DCDC1: variants seen among roughly 807,000 people sequenced by gnomAD.
The protein encoded by DCDC1 is doublecortin domain-containing protein 1.
Under a neutral mutation model 178.3 loss-of-function variants are expected in DCDC1, and 200 were observed. That is an observed-to-expected ratio of 1.12 (90% CI 1.00 to 1.26). DCDC1 has a LOEUF of 1.26. DCDC1 is among the 50% of genes most tolerant of loss of function. The pLI is 0.00. For missense variants in DCDC1, 1,983 were observed against 1,749.2 expected (o/e 1.13, Z -2.38); for synonymous variants, 690 against 604.8 (o/e 1.14, Z -2.07).
At chr11:31,142,680 T>C (rs1471527686) in intron 9 of DCDC1, among the ~76,000 whole-genome samples, 1 of 152,204 alleles carries the variant, frequency 6.6e-6, no homozygotes, top group Admixed American at 6.5e-5. Flanking sequence ...AAATGTTTTT[T>C]AAATTCCTAA....
intron 20 of DCDC1, among the ~76,000 whole-genome samples, chr11:30,960,317 A>G (rs983083930): frequency 6.6e-6 from 1 of 152,162 alleles, no homozygotes; most frequent in Non-Finnish European, 1.5e-5. Context: ...TGTCTTTAAA[A>G]TGAGCCGGTC....
chr11:31,126,538 T>G (rs951807768), intron 11 of DCDC1, among the ~76,000 whole-genome samples: 3 of 152,224 alleles, frequency 2.0e-5, no homozygotes, highest in African/African-American at 7.2e-5. Context: ...TTTCTAATGT[T>G]ACTTGCAGAA....
intron 9 of DCDC1, among the ~76,000 whole-genome samples, chr11:31,232,942 G>A (rs1343747623): frequency 6.6e-6 from 1 of 152,188 alleles, no homozygotes; most frequent in Non-Finnish European, 1.5e-5. Flanking sequence ...ACAAAAATTA[G>A]CCGGGCATGG....
At chr11:31,323,889 T>C (rs1949508653) in intron 3 of DCDC1, among the ~76,000 whole-genome samples, 1 of 152,106 alleles carries the variant, frequency 6.6e-6, no homozygotes, top group South Asian at 2.1e-4. Flanking sequence ...TTGCTTAAAC[T>C]TCCAAAGATA....
intron 8 of DCDC1, among the ~76,000 whole-genome samples, chr11:31,259,328 G>C (rs764155608): frequency 6.6e-5 from 10 of 151,828 alleles, no homozygotes; most frequent in Non-Finnish European, 1.3e-4. Flanking sequence ...ACTCCACCCT[G>C]GGCAACAAGA....
Position 30,915,702 on chromosome 11 carries a change from T to C in DCDC1, c.3462A>G (p.Pro1154=), listed in dbSNP as rs2134205606. 1 of 1,613,024 alleles carries C rather than the reference T, an allele frequency of 6.2e-7. No homozygotes were observed. The highest frequency in any genetic ancestry group is 2.2e-5 in the East Asian group (1 of 44,838). Residue 1154 remains proline (P), a synonymous_variant, in exon 27 of 39, where the codon CCA becomes CCG. Transcript: ENST00000684477. ...AATGCTTGTGCAATTTACTATGCTT[T>C]GGTGAACAGCTGAGATAAAGAAATC... ...VEPQKKHSCS[P]KHSKLHKHCH...
intron 1 of DCDC1, among the ~76,000 whole-genome samples, chr11:31,358,341 G>C (rs892932117): frequency 6.6e-6 from 1 of 152,164 alleles, no homozygotes; most frequent in Admixed American, 6.5e-5. Context: ...ATGGGGAAAG[G>C]ATTCCCTATT....
intron 6 of DCDC1, among the ~76,000 whole-genome samples, chr11:31,302,239 T>C (rs1310614371): frequency 1.3e-5 from 2 of 152,170 alleles, no homozygotes; most frequent in African/African-American, 2.4e-5. Flanking sequence ...TATGCTATGT[T>C]TGCATTACTT....
chr11:31,101,021 G>A (rs1364059886), intron 15 of DCDC1, among the ~76,000 whole-genome samples: 1 of 152,112 alleles, frequency 6.6e-6, no homozygotes, highest in Non-Finnish European at 1.5e-5. Flanking sequence ...ACACTATTTA[G>A]ATCCATATGC....
intron 18 of DCDC1, among the ~76,000 whole-genome samples, chr11:31,076,208 T>A (rs1360209074): frequency 2.0e-5 from 3 of 152,134 alleles, no homozygotes; most frequent in Non-Finnish European, 4.4e-5. Flanking sequence ...TTTGACTGGA[T>A]TAATTCCAAA....
At chr11:30,974,338 G>C (rs1949986283) in intron 20 of DCDC1, among the ~76,000 whole-genome samples, 1 of 146,772 alleles carries the variant, frequency 6.8e-6, no homozygotes, top group Non-Finnish European at 1.5e-5. Context: ...ACAAAAGCAA[G>C]AAAAAAATCC....
intron 16 of DCDC1, among the ~76,000 whole-genome samples, chr11:31,093,763 A>G (rs576002726): frequency 1.3e-5 from 2 of 152,336 alleles, no homozygotes; most frequent in African/African-American, 4.8e-5. Flanking sequence ...TCTCATGAAA[A>G]TGATGAGTCT....
At chr11:30,871,046 T>G (rs1473097377) in intron 38 of DCDC1, among the ~76,000 whole-genome samples, 1 of 152,194 alleles carries the variant, frequency 6.6e-6, no homozygotes, top group Non-Finnish European at 1.5e-5. Context: ...CCTGACATCC[T>G]AATCTAAAGG....
chr11:31,136,719 G>A (rs1210603671), intron 10 of DCDC1, among the ~76,000 whole-genome samples: 1 of 152,082 alleles, frequency 6.6e-6, no homozygotes, highest in Non-Finnish European at 1.5e-5. Context: ...TCTTTCCTTA[G>A]AAAGATTAAA....
chr11:31,350,518 T>G (rs1951017420), intron 1 of DCDC1, among the ~76,000 whole-genome samples: 1 of 152,108 alleles, frequency 6.6e-6, no homozygotes, highest in African/African-American at 2.4e-5. Context: ...TCCAATTATC[T>G]TGAAAAAGGT....
chr11:31,093,742 A>T (rs554525089), intron 16 of DCDC1, among the ~76,000 whole-genome samples: 1 of 152,344 alleles, frequency 6.6e-6, no homozygotes, highest in Non-Finnish European at 1.5e-5. Flanking sequence ...GTAGAAGCAC[A>T]TTCAGACAAA....
At chr11:30,936,726 T>C (rs943207045) in intron 21 of DCDC1, among the ~76,000 whole-genome samples, 1 of 152,072 alleles carries the variant, frequency 6.6e-6, no homozygotes, top group Non-Finnish European at 1.5e-5. Flanking sequence ...TAAGGGAAGC[T>C]AAAAGCAGAC....
At chr11:31,152,071 T>C (rs1449390359) in intron 9 of DCDC1, among the ~76,000 whole-genome samples, 5 of 152,198 alleles carry the variant, frequency 3.3e-5, no homozygotes, top group Non-Finnish European at 7.3e-5. Flanking sequence ...AATATAATTA[T>C]TATTTGTCAA....
chr11:30,941,532 A>AGGT (rs900818598), intron 21 of DCDC1, among the ~76,000 whole-genome samples: 13 of 152,094 alleles, frequency 8.5e-5, no homozygotes, highest in African/African-American at 3.1e-4. Context: ...CTTGTTCTTC[A>AGGT]GGTCTTTACT....
Sources: allele counts gnomAD v4.1 joint callset (sites outside exome capture counted in the v4.1 genomes callset), GRCh38; gene constraint gnomAD v4.1.1; transcripts MANE v1.5; gene names NCBI Gene and HGNC (gene_info 2026-07-23, HGNC 2026-07-21).